ANK2: variants seen among roughly 807,000 people sequenced by gnomAD.
ANK2 encodes ankyrin 2.
Under a neutral mutation model 360.5 loss-of-function variants are expected in ANK2, and 83 were observed. The ratio of observed to expected loss-of-function variants is 0.23; its 90% CI spans 0.19 to 0.28. The LOEUF is 0.28. ANK2 is among the 10% of genes least tolerant of loss of function. The probability of loss-of-function intolerance (pLI) is 1.00; values close to 1 mark genes in which losing one functional copy is unlikely to be tolerated. For synonymous variants in ANK2, 1,740 were observed against 1,759.5 expected, an observed-to-expected ratio of 0.99 and a Z score of 0.28; for missense variants, 4,201 against 4,795.7, an observed-to-expected ratio of 0.88 and a Z score of 3.66.
chr4:113,156,368 A>ATTTTTTTTT (rs1218946870), intron 1 of ANK2, among the ~76,000 whole-genome samples: 1 of 79,152 alleles, frequency 1.3e-5, no homozygotes, highest in Admixed American at 1.3e-4. Flanking sequence ...ATGTAGAAAA[A>ATTTTTTTTT]TTCTTTTTTT....
At chr4:113,330,674 A>T (rs1238613220) in intron 27 of ANK2, among the ~76,000 whole-genome samples, 1 of 152,226 alleles carries the variant, frequency 6.6e-6, no homozygotes, top group Admixed American at 6.5e-5. Flanking sequence ...TGAGTTAAAC[A>T]TTCAGGTTGA....
Position 113,346,018 on chromosome 4 carries a change from C to G in ANK2, c.4367C>G (p.Thr1456Arg). The change falls in exon 35 of 46, where the codon ACA (threonine) becomes AGA (arginine). Residue 1456 changes from threonine to arginine, a missense_variant. Around this residue, in one of 4 missense-constraint regions of ANK2, gnomAD observed 1,268 missense variants for 1,650.8 expected, o/e 0.77. Transcript: ENST00000357077. ...TTAAACATCACTTTGCCGATTTATA[C>G]AAAGGTATCGTAAAATCTGCTATAG... is the stretch of plus-strand genomic sequence containing the variant. The part of the protein sequence containing the change: ...CNLNITLPIY[T>R]KESESDQEQE... The G allele has an allele frequency of 6.2e-7, 1 of 1,613,246 alleles. No individual in the cohort carries two copies. The highest frequency in any genetic ancestry group is 8.5e-7 in the Non-Finnish European group (1 of 1,179,342).
intron 2 of ANK2, among the ~76,000 whole-genome samples, chr4:112,995,121 A>G (rs75998471): frequency 6.6e-6 from 1 of 152,138 alleles, no homozygotes; most frequent in Non-Finnish European, 1.5e-5. Context: ...CTTTGGGTAT[A>G]TATTCAGTAA....
intron 3 of ANK2, among the ~76,000 whole-genome samples, chr4:113,197,515 A>G (rs2098765797): frequency 6.6e-6 from 1 of 152,220 alleles, no homozygotes; most frequent in African/African-American, 2.4e-5. Context: ...TGGCTGTGGA[A>G]GATGTAGAGA....
chr4:113,146,464 C>T (rs1158456926), intron 1 of ANK2, among the ~76,000 whole-genome samples: 1 of 152,150 alleles, frequency 6.6e-6, no homozygotes, highest in Admixed American at 6.5e-5. Flanking sequence ...AACAGTATTT[C>T]CCTCTAATAT....
At chr4:113,347,016 T>C (rs2094936699) in intron 35 of ANK2, among the ~76,000 whole-genome samples, 2 of 152,116 alleles carry the variant, frequency 1.3e-5, no homozygotes, top group African/African-American at 4.8e-5. Flanking sequence ...TATAACAGGT[T>C]GGGAAGGGTG....
At position 113,342,998 on chromosome 4, in the gene ANK2, T is replaced by C. The variant is rs199938838; in HGVS notation, c.4123-19T>C. 1.2e-6 allele frequency: 2 copies of C among 1,613,710 alleles called. No individual in the cohort carries two copies. The highest frequency in any genetic ancestry group is 2.7e-5 in the African/African-American group (2 of 75,036). On this transcript the variant is annotated intron_variant, in intron 33 of 45. Transcript: ENST00000357077. ...TAATTGCAGCTACTTTATTGTTATT[T>C]CTCTCTGTTTTCACTCAGGTGTTAG...
rs138657647 is a variant in ANK2 at position 113,297,486 on chromosome 4, A to G, written c.2475+3948A>G. Among the ~76,000 whole-genome samples, 184 of 152,286 alleles carry G rather than the reference A, an allele frequency of 1.2e-3. 5 individuals are homozygous for G. The East Asian group carries it at 0.024, about 20-fold the overall frequency. ...ATATCCCAATTACCCTGATTTGATC[A>G]TTATACTTATGTTTATATCAAAATA... is the stretch of plus-strand genomic sequence containing the variant. On this transcript the variant is annotated intron_variant, in intron 22 of 45. Transcript: ENST00000357077.
rs2049017406 is a variant in ANK2, at chr4:113,255,856, T to C, written c.1112T>C (p.Val371Ala). Residue 371 changes from valine (V) to alanine (A), a missense_variant, in exon 11 of 46, where the codon GTT (valine) becomes GCT (alanine). By Grantham distance (64) the Val-to-Ala change is moderately conservative. Coordinates refer to ENST00000357077, the MANE Select transcript of ANK2 (RefSeq NM_001148.6). ...CTAGACTACCTGACAGCCCTCCACG[T>C]TGCTGCGCACTGTGGCCACTACCGT... ...VTLDYLTALHVAAHCGHYRVT... is the reference protein window; with the variant it reads ...VTLDYLTALHAAAHCGHYRVT... 1 of 1,614,124 alleles carries C rather than the reference T, an allele frequency of 6.2e-7. No homozygotes were observed.
chr4:112,880,093 T>C (rs1391773575), intron 1 of ANK2, among the ~76,000 whole-genome samples: 2 of 150,030 alleles, frequency 1.3e-5, no homozygotes, highest in South Asian at 2.1e-4. Context: ...CACACACACA[T>C]ATACTCTCTT....
chr4:113,373,710 G>T (rs1459005085), intron 45 of ANK2: 1 of 614,636 alleles, frequency 1.6e-6, no homozygotes, highest in Non-Finnish European at 3.0e-6. Flanking sequence ...ATTCATGGTT[G>T]ACCACTGCAG....
chr4:113,292,311 T>C (rs2068120631), intron 20 of ANK2, 105 bp from the exon 21 acceptor site: 6 of 1,027,838 alleles, frequency 5.8e-6, no homozygotes, highest in South Asian at 2.7e-5. Flanking sequence ...ATAAAGCATC[T>C]GTGATGGTTT....
chr4:112,841,944 C>A (rs939738318), intron 1 of ANK2, among the ~76,000 whole-genome samples: 1 of 152,076 alleles, frequency 6.6e-6, no homozygotes, highest in Non-Finnish European at 1.5e-5. Context: ...TCTTATTAAA[C>A]AAATCCAATA....
rs527462024 is a variant in ANK2 at position 113,353,983 on chromosome 4, A to G, written c.5365A>G (p.Ile1789Val). ...DEQKGRSKLP[I>V]RVKGKEDVPK... ...ACAGAAAGGTCGAAGCAAGTTGCCC[A>G]TCAGAGTCAAAGGCAAGGAGGACGT... The change falls in exon 38 of 46, where the codon ATC (isoleucine) becomes GTC (valine). Residue 1789 changes from isoleucine to valine, a missense_variant. By Grantham distance (29) the Ile-to-Val change is conservative. This residue lies in a region of ANK2 where 2,642 missense variants were observed against 2,714.5 expected (regional missense o/e 0.97). Coordinates refer to ENST00000357077, the MANE Select transcript of ANK2 (RefSeq NM_001148.6). 3 of 1,614,122 alleles carry G rather than the reference A, an allele frequency of 1.9e-6. No homozygotes were observed. Among genetic ancestry groups the G allele is most frequent in the African/African-American group, 1.3e-5 (1 of 75,036 alleles).
At chr4:112,978,747 C>G (rs1582408628) in intron 2 of ANK2, among the ~76,000 whole-genome samples, 1 of 152,172 alleles carries the variant, frequency 6.6e-6, no homozygotes, top group Non-Finnish European at 1.5e-5. Context: ...TGTTTCCATA[C>G]TGTTAAAGAA....
At chr4:112,733,316 A>T in the ANK2 span, among the ~76,000 whole-genome samples, 2 of 152,174 alleles carry the variant, frequency 1.3e-5, no homozygotes, top group Non-Finnish European at 2.9e-5. Context: ...TTGGGATATG[A>T]TTATATATTA....
intron 1 of ANK2, among the ~76,000 whole-genome samples, chr4:113,109,941 T>C (rs1023191059): frequency 6.6e-6 from 1 of 152,206 alleles, no homozygotes; most frequent in Non-Finnish European, 1.5e-5. Flanking sequence ...AAATGTGGTT[T>C]CTAAAGAAGA....
At chr4:112,888,834 T>A (rs915521423) in intron 1 of ANK2, among the ~76,000 whole-genome samples, 2 of 152,144 alleles carry the variant, frequency 1.3e-5, no homozygotes, top group African/African-American at 4.8e-5. Flanking sequence ...TTGTCAGCTG[T>A]CCTTGTTGTG....
chr4:113,358,211 C>T lies in ANK2; in HGVS notation c.9593C>T (p.Ala3198Val), dbSNP rs1299816154. The T allele has an allele frequency of 1.9e-6, 3 of 1,614,088 alleles. No individual in the cohort carries two copies. Among genetic ancestry groups the T allele is most frequent in the Non-Finnish European group, 2.5e-6 (3 of 1,179,972 alleles). The change falls in exon 38 of 46, where the codon GCT (alanine) becomes GTT (valine). Residue 3198 changes from alanine (A) to valine (V), a missense_variant. Physicochemically the swap from Ala to Val is moderately conservative, Grantham distance 64. Transcript: ENST00000357077. Reference protein sequence around the residue: ...EEVEEIPASDAQLNSQMGISA... With the variant: ...EEVEEIPASDVQLNSQMGISA... ...GTAGAGGAAATACCTGCTTCGGATG[C>T]TCAACTTAACTCCCAAATGGGGATT...
Sources: gnomAD v4.1 joint callset for allele counts (sites outside exome capture counted in the v4.1 genomes callset) on GRCh38, gnomAD v4.1.1 for gene constraint, gnomAD v4.1.1 regional missense constraint, MANE v1.5 for transcripts, NCBI Gene and HGNC (gene_info 2026-07-23, HGNC 2026-07-21) for gene names.